Variants in MAP4K2 observed in about 807,000 individuals in gnomAD.
MAP4K2 encodes the protein mitogen-activated protein kinase kinase kinase kinase 2.
Under a neutral mutation model 125.3 loss-of-function variants are expected in MAP4K2, and 85 were observed. The observed-to-expected ratio is 0.68, with a 90% CI of 0.57 to 0.81. The LOEUF (loss-of-function observed/expected upper bound fraction) is 0.81. Among genes scored for constraint, MAP4K2 ranks in the 40% least tolerant of loss-of-function variants. The pLI is 0.00. For missense variants in MAP4K2, 923 were observed against 1,056.4 expected (o/e 0.87, Z 1.75); for synonymous variants, 479 against 445.1 (o/e 1.08, Z -0.96).
In MAP4K2 at chr11:64,789,296, G is replaced by A. The variant is rs2069614588; in HGVS notation, c.*241C>T. ...CAGGGTCCCTGCCTTGGGCACTAGG[G>A]ACTGGGCTGCCTCGGGGATGGGGGA... On this transcript the variant is annotated 3_prime_UTR_variant, in exon 32 of 32. Transcript: ENST00000294066. 1.8e-6 allele frequency: 1 copy of A among 559,154 alleles called. No individual in the cohort carries two copies. The highest frequency in any genetic ancestry group is 3.1e-5 in the Admixed American group (1 of 32,456). 34.6% of individuals were successfully genotyped at this position (559,154 alleles called of 1,614,324 possible).
chr11:64,801,973 G>A (rs775217202), intron 5 of MAP4K2, 93 bp downstream of exon 5: 150 of 1,374,314 alleles, frequency 1.1e-4, no homozygotes, highest in Non-Finnish European at 1.4e-4. Flanking sequence ...AGCCCCACCC[G>A]AGGCACTCCA....
rs1026416965 is a variant in MAP4K2 at position 64,790,177 on chromosome 11, G to A, written c.2248+11C>T. ...AGGGAAAGGCCTGCACCCCACCTCT[G>A]GCTCACTCACCCACAGTCTCGATGG... On this transcript the variant is annotated intron_variant, in intron 29 of 31. Coordinates refer to ENST00000294066, the MANE Select transcript of MAP4K2 (RefSeq NM_004579.5). The A allele has an allele frequency of 1.2e-6, 2 of 1,614,082 alleles. No homozygotes were observed. The highest frequency in any genetic ancestry group is 1.7e-6 in the Non-Finnish European group (2 of 1,179,954).
Position 64,800,666 on chromosome 11 carries a change from A to G in MAP4K2, c.725+98T>C, listed in dbSNP as rs192588402. 6 of 1,472,276 alleles carry G rather than the reference A, an allele frequency of 4.1e-6. No individual in the cohort carries two copies. The Admixed American group carries it at 9.9e-5, about 24-fold the overall frequency. The allele number at this position is 1,472,276 out of a possible 1,614,324, so 91.2% of individuals were successfully genotyped here. On this transcript the variant is annotated intron_variant, in intron 10 of 31. Coordinates refer to ENST00000294066, the MANE Select transcript of MAP4K2 (RefSeq NM_004579.5). ...TGGTCTGTAGTAGCCCAGAAAGGAC[A>G]GGGCTCTTGGGGTTGCCCCCCGGGA...
chr11:64,797,900 T>C (rs951684034), intron 15 of MAP4K2, among the ~76,000 whole-genome samples: 2 of 150,416 alleles, frequency 1.3e-5, no homozygotes, highest in African/African-American at 2.5e-5. Context: ...ACAGAGGGGG[T>C]TTCACCGTGT....
rs1250032847 is a variant in MAP4K2 at position 64,788,203 on chromosome 11, T to TA, written c.*1333dup. On this transcript the variant is annotated 3_prime_UTR_variant, in exon 32 of 32. Coordinates refer to ENST00000294066, the MANE Select transcript of MAP4K2 (RefSeq NM_004579.5). ...CCTACCACGTCACTCCGCAAGTCTT[T>TA]ATTGCCACCCACCAGGTGCAAAGGT... is the stretch of plus-strand genomic sequence containing the variant. The TA allele has an allele frequency of 6.6e-6, 1 of 152,354 alleles. No individual in the cohort carries two copies. Among genetic ancestry groups the TA allele is most frequent in the African/African-American group, 2.4e-5 (1 of 41,446 alleles). 9.4% of individuals were successfully genotyped at this position (152,354 alleles called of 1,614,324 possible).
intron 12 of MAP4K2, 49 bp from the exon 13 acceptor site, chr11:64,799,732 C>G: frequency 6.6e-7 from 1 of 1,512,626 alleles, no homozygotes. Flanking sequence ...GCGCCTCATG[C>G]CGGGGCTGCT....
At chr11:64,798,910 CAGGAA>C in intron 14 of MAP4K2, 73 bp from the exon 15 acceptor site, 2 of 1,302,914 alleles carry the variant, frequency 1.5e-6, no homozygotes, top group East Asian at 2.5e-5. Flanking sequence ...TCAAGAGATT[CAGGAA>C]AGGAAAGACA....
chr11:64,789,983 G>T, intron 29 of MAP4K2, 24 bp from the exon 30 acceptor site: 1 of 1,611,414 alleles, frequency 6.2e-7, no homozygotes, highest in Non-Finnish European at 8.5e-7. Flanking sequence ...GCCACCATCA[G>T]CCCTGCACCC....
chr11:64,799,978 A>G, intron 12 of MAP4K2, 131 bp downstream of exon 12: 1 of 776,558 alleles, frequency 1.3e-6, no homozygotes, highest in Admixed American at 2.3e-5. Context: ...GAGACTCCTA[A>G]TGGGAGGGCT....
chr11:64,797,575 G>A (rs1251405214), intron 16 of MAP4K2, 41 bp from the exon 17 acceptor site: 2 of 1,576,464 alleles, frequency 1.3e-6, no homozygotes, highest in East Asian at 2.3e-5. Flanking sequence ...AGGTGTGACT[G>A]GCACCAAGGC....
intron 15 of MAP4K2, among the ~76,000 whole-genome samples, chr11:64,798,480 A>G (rs1278031416): frequency 1.3e-5 from 2 of 151,780 alleles, no homozygotes; most frequent in Non-Finnish European, 2.9e-5. Context: ...TTGTATTTTA[A>G]GTAGAGATGG....
rs373475538 is a variant in MAP4K2 at position 64,797,334 on chromosome 11, G to A, written c.1217C>T (p.Pro406Leu). 1.1e-5 allele frequency: 17 copies of A among 1,600,244 alleles called. No individual in the cohort carries two copies. Among genetic ancestry groups the A allele is most frequent in the Middle Eastern group, 1.6e-4 (1 of 6,070 alleles). The change falls in exon 18 of 32, where the codon CCG becomes CTG. Residue 406 changes from proline (P) to leucine (L), a missense_variant. By Grantham distance (98) the Pro-to-Leu change is moderately conservative. This residue lies in a region of MAP4K2 where 833 missense variants were observed against 911.4 expected (regional missense o/e 0.91). Transcript: ENST00000294066. ...DDTMGTIKRAPFLGPLPTDPP... is the reference protein window; with the variant it reads ...DDTMGTIKRALFLGPLPTDPP... ...GTCAGTGGGGAGTGGCCCTAGGAAC[G>A]GGGCCCGCTTGATGGTTCCCATGGT...
At chr11:64,798,325 C>T (rs914608208) in intron 15 of MAP4K2, among the ~76,000 whole-genome samples, 8 of 152,102 alleles carry the variant, frequency 5.3e-5, no homozygotes, top group South Asian at 2.1e-4. Context: ...GCCACCACAC[C>T]GGCTAATTTT....
At chr11:64,800,481 C>T (rs999381907) in intron 10 of MAP4K2, 89 bp from the exon 11 acceptor site, 11 of 1,438,604 alleles carry the variant, frequency 7.6e-6, no homozygotes, top group African/African-American at 2.8e-5. Context: ...CCTCCAGAGG[C>T]GTCTGCTGGG....
chr11:64,786,996 C>T lies in MAP4K2; in HGVS notation c.*2541G>A, dbSNP rs1308413594. Reference sequence around the variant, plus strand: ...TCAGGGTGCATGTGATAATTTAATACATTCATATTCTCCAGGATATATATA... The same window carrying T: ...TCAGGGTGCATGTGATAATTTAATATATTCATATTCTCCAGGATATATATA... On this transcript the variant is annotated 3_prime_UTR_variant, in exon 32 of 32. Transcript: ENST00000294066. 2 of 150,080 alleles carry T rather than the reference C, an allele frequency of 1.3e-5. No homozygotes were observed. The highest frequency in any genetic ancestry group is 4.9e-5 in the African/African-American group (2 of 40,832). 9.3% of individuals were successfully genotyped at this position (150,080 alleles called of 1,614,324 possible).
chr11:64,790,292 T>C lies in MAP4K2; in HGVS notation c.2162-18A>G, dbSNP rs1409312926. 6.2e-6 allele frequency: 10 copies of C among 1,613,956 alleles called. No individual in the cohort carries two copies. The highest frequency in any genetic ancestry group is 7.6e-6 in the Non-Finnish European group (9 of 1,179,870). On this transcript the variant is annotated intron_variant, in intron 28 of 31. Transcript: ENST00000294066. ...CACACAGCCTGCACAGGGAAGGAAT[T>C]GGTGAGTGGGGACGGGGAGGCTCCC...
intron 28 of MAP4K2, 43 bp from the exon 29 acceptor site, chr11:64,790,317 C>G (rs1940402305): frequency 6.2e-7 from 1 of 1,613,216 alleles, no homozygotes. Flanking sequence ...GGGAGGCTCC[C>G]TTCTGGGAAG....
Position 64,789,434 on chromosome 11 carries a change from C to T in MAP4K2, c.*103G>A, listed in dbSNP as rs1007690214. On this transcript the variant is annotated 3_prime_UTR_variant, in exon 32 of 32. Transcript: ENST00000294066. ...TTCTGACCTTCAGCCCCAGCAGGGC[C>T]AGGGCCTGGGCTCCTCTGGTCTAGG... 7.7e-6 allele frequency: 8 copies of T among 1,032,480 alleles called. No individual in the cohort carries two copies. Among genetic ancestry groups the T allele is most frequent in the Non-Finnish European group, 1.2e-5 (8 of 687,926 alleles). 64.0% of individuals were successfully genotyped at this position (1,032,480 alleles called of 1,614,324 possible).
In MAP4K2 at chr11:64,796,572, C is replaced by CAGA. The variant is rs1173214622; in HGVS notation, c.1573-22_1573-20dup. 6.2e-7 allele frequency: 1 copy of CAGA among 1,613,968 alleles called. No individual in the cohort carries two copies. Among genetic ancestry groups the CAGA allele is most frequent in the South Asian group, 1.1e-5 (1 of 91,090 alleles). On this transcript the variant is annotated intron_variant, in intron 22 of 31. Transcript: ENST00000294066. Reference sequence around the variant, plus strand: ...AAATCAGCTGGAGGCCACAGAGGGACAGATGGTCAGCACCCCAGGCCCCCA... The same window carrying CAGA: ...AAATCAGCTGGAGGCCACAGAGGGACAGAAGATGGTCAGCACCCCAGGCCCCCA...
Sources: allele counts gnomAD v4.1 joint callset (sites outside exome capture counted in the v4.1 genomes callset), GRCh38; gene constraint gnomAD v4.1.1; regional missense constraint gnomAD v4.1.1; transcripts MANE v1.5; gene names NCBI Gene and HGNC (gene_info 2026-07-23, HGNC 2026-07-21).